The following TRPM6 variants were observed in gnomAD, a reference collection of about 807,000 sequenced individuals.
The protein encoded by TRPM6 is transient receptor potential cation channel subfamily M member 6, also known as channel kinase 2.
Under a neutral mutation model 247.6 loss-of-function variants are expected in TRPM6, and 111 were observed. That is an observed-to-expected ratio of 0.45 (90% CI 0.38 to 0.52). The LOEUF is 0.52. TRPM6 is among the 20% of genes least tolerant of loss of function. The probability of loss-of-function intolerance (pLI) is 0.00; values close to 1 mark genes in which losing one functional copy is unlikely to be tolerated. For missense variants in TRPM6, 2,126 were observed against 2,421.5 expected (o/e 0.88, Z 2.56); for synonymous variants, 892 against 853.8 (o/e 1.04, Z -0.78).
chr9:74,797,788 G>A (rs1196932896), intron 17 of TRPM6, among the ~76,000 whole-genome samples: 2 of 152,148 alleles, frequency 1.3e-5, no homozygotes, highest in Non-Finnish European at 2.9e-5. Flanking sequence ...GGCAGTGACA[G>A]GTATTATTTT....
At chr9:74,839,961 G>C in intron 5 of TRPM6, 63 bp downstream of exon 5, 1 of 1,197,950 alleles carries the variant, frequency 8.3e-7, no homozygotes, top group African/African-American at 1.6e-5. Flanking sequence ...AAAAGAGGGA[G>C]AGAGGGAGGG....
At chr9:74,878,593 C>T (rs549101905) in intron 1 of TRPM6, among the ~76,000 whole-genome samples, 139 of 152,278 alleles carry the variant, frequency 9.1e-4, no homozygotes, top group African/African-American at 3.3e-3. Context: ...AGTGCCCTAC[C>T]TAAACACCGC....
chr9:74,860,340 ATTTTTATT>A (rs1243947063), intron 1 of TRPM6, among the ~76,000 whole-genome samples: 2 of 151,854 alleles, frequency 1.3e-5, no homozygotes, highest in South Asian at 4.1e-4. Flanking sequence ...TTATTTATTT[ATTTTTATT>A]TTTTTATTTT....
intron 18 of TRPM6, among the ~76,000 whole-genome samples, chr9:74,795,632 C>T (rs1828069167): frequency 6.6e-6 from 1 of 152,196 alleles, no homozygotes; most frequent in Admixed American, 6.5e-5. Flanking sequence ...TCACTAACCC[C>T]TAATCCTTAC....
At chr9:74,767,261 C>T (rs1277413086) in intron 25 of TRPM6, among the ~76,000 whole-genome samples, 1 of 152,014 alleles carries the variant, frequency 6.6e-6, no homozygotes, top group Admixed American at 6.6e-5. Context: ...ATATAATGTA[C>T]CAAACATGCT....
chr9:74,764,054 G>A (rs1034418437), intron 25 of TRPM6, among the ~76,000 whole-genome samples: 5 of 151,494 alleles, frequency 3.3e-5, no homozygotes, highest in South Asian at 4.2e-4. Flanking sequence ...GGAGACTGAC[G>A]CGGAGGTTGC....
rs533532421 is a variant in TRPM6 at position 74,855,480 on chromosome 9, A to C, written c.152+47T>G. 8 of 1,376,086 alleles carry C rather than the reference A, an allele frequency of 5.8e-6. No homozygotes were observed. In the South Asian group the frequency reaches 9.3e-5, roughly 16 times the overall value. 85.2% of individuals were successfully genotyped at this position (1,376,086 alleles called of 1,614,324 possible). A position where few individuals can be genotyped will look rare whatever the true frequency, so the allele number is the denominator to read the frequency against. ...AGGAAACTGTCCCAGTGAATTTTAA[A>C]TAGGGTGCCTAAAAGCTAAAAGGAA... On this transcript the variant is annotated intron_variant, in intron 3 of 38. Coordinates refer to ENST00000360774, the MANE Select transcript of TRPM6 (RefSeq NM_017662.5).
Position 74,762,902 on chromosome 9 carries a change from T to C in TRPM6, c.3769A>G (p.Ile1257Val). Residue 1257 changes from isoleucine to valine, a missense_variant, in exon 26 of 39, where the codon ATC becomes GTC. Transcript: ENST00000360774. Reference protein sequence around the residue: ...KKLPHSWSNVICAEVLGSMEI... With the variant: ...KKLPHSWSNVVCAEVLGSMEI... The stretch of plus-strand genomic sequence containing the variant: ...ATGCTGCCTAGAACCTCTGCACAGA[T>C]GACATTGCTCCAGCTGTGGGGAAGT... The C allele has an allele frequency of 6.2e-7, 1 of 1,609,622 alleles. No homozygotes were observed. The highest frequency in any genetic ancestry group is 1.1e-5 in the South Asian group (1 of 90,892).
At chr9:74,791,513 G>A (rs1587509936) in intron 19 of TRPM6, among the ~76,000 whole-genome samples, 1 of 150,452 alleles carries the variant, frequency 6.6e-6, no homozygotes, top group Admixed American at 6.6e-5. Context: ...TAAAAAAAAA[G>A]AAAAGAAAAT....
chr9:74,764,479 G>A (rs1350712625), intron 25 of TRPM6, among the ~76,000 whole-genome samples: 3 of 152,136 alleles, frequency 2.0e-5, no homozygotes, highest in Admixed American at 6.5e-5. Flanking sequence ...GAACATCCAC[G>A]GTTGCCAGCA....
chr9:74,808,727 C>T (rs1194480990), intron 13 of TRPM6, among the ~76,000 whole-genome samples: 3 of 152,134 alleles, frequency 2.0e-5, no homozygotes, highest in Non-Finnish European at 2.9e-5. Context: ...CTTTGCACTG[C>T]GTTGACTACA....
Position 74,724,267 on chromosome 9 carries a change from G to A in TRPM6, c.*346C>T. 2 of 351,086 alleles carry A rather than the reference G, an allele frequency of 5.7e-6. No individual in the cohort carries two copies. The highest frequency in any genetic ancestry group is 1.1e-5 in the Non-Finnish European group (2 of 184,962). The allele number at this position is 351,086 out of a possible 1,614,324, so 21.7% of individuals were successfully genotyped here. On this transcript the variant is annotated 3_prime_UTR_variant, in exon 39 of 39. Coordinates refer to ENST00000360774, the MANE Select transcript of TRPM6 (RefSeq NM_017662.5). ...TACATAGTGAGAAAATAAAATAAATGTATCCCCCCCAACCCCATCCTTTAA... is the reference window on the plus strand; with the variant it reads ...TACATAGTGAGAAAATAAAATAAATATATCCCCCCCAACCCCATCCTTTAA...
At chr9:74,846,701 C>T (rs1182604624) in intron 3 of TRPM6, among the ~76,000 whole-genome samples, 1 of 152,026 alleles carries the variant, frequency 6.6e-6, no homozygotes, top group African/African-American at 2.4e-5. Flanking sequence ...GGTGTGTCAC[C>T]ACGCCTGGAT....
chr9:74,884,565 A>G (rs868007156), intron 1 of TRPM6, among the ~76,000 whole-genome samples: 1 of 152,146 alleles, frequency 6.6e-6, no homozygotes, highest in African/African-American at 2.4e-5. Flanking sequence ...GCACATCTAA[A>G]TAATATGCTC....
At chr9:74,759,929 A>T (rs1046461065) in intron 27 of TRPM6, among the ~76,000 whole-genome samples, 6 of 152,160 alleles carry the variant, frequency 3.9e-5, no homozygotes, top group South Asian at 2.1e-4. Flanking sequence ...ACAACAACCC[A>T]ATTTTTTAAA....
At chr9:74,765,187 C>T (rs1157141894) in intron 25 of TRPM6, among the ~76,000 whole-genome samples, 9 of 151,856 alleles carry the variant, frequency 5.9e-5, no homozygotes, top group African/African-American at 9.7e-5. Flanking sequence ...TAATTATTTT[C>T]TTGGGCTATT....
At chr9:74,732,758 C>G (rs766303203) in intron 36 of TRPM6, 22 bp from the exon 37 acceptor site, 13 of 1,590,512 alleles carry the variant, frequency 8.2e-6, no homozygotes, top group Non-Finnish European at 1.0e-5. Context: ...AAACAAAATT[C>G]GTTTAGCAAA....
intron 23 of TRPM6, among the ~76,000 whole-genome samples, chr9:74,780,258 C>A (rs1427631863): frequency 4.6e-5 from 7 of 151,918 alleles, no homozygotes; most frequent in African/African-American, 1.5e-4. Context: ...AATTTGAGAC[C>A]AGCCTGGCCA....
intron 1 of TRPM6, among the ~76,000 whole-genome samples, chr9:74,861,942 A>G (rs1247716060): frequency 6.6e-6 from 1 of 152,060 alleles, no homozygotes; most frequent in African/African-American, 2.4e-5. Context: ...TAACCCAATG[A>G]TTGTTGAATG....
Sources: gnomAD v4.1 joint callset for allele counts (sites outside exome capture counted in the v4.1 genomes callset) on GRCh38, gnomAD v4.1.1 for gene constraint, MANE v1.5 for transcripts, NCBI Gene and HGNC (gene_info 2026-07-23, HGNC 2026-07-21) for gene names.